Variants in FOXN2 observed in about 807,000 individuals in gnomAD.
The protein encoded by FOXN2 is forkhead box protein N2.
A neutral mutation model predicts 41.2 loss-of-function variants in FOXN2; 19 were observed. The observed-to-expected ratio is 0.46, with a 90% CI of 0.32 to 0.68. FOXN2 has a LOEUF of 0.68. Among genes scored for constraint, FOXN2 ranks in the 30% least tolerant of loss-of-function variants. The probability of loss-of-function intolerance (pLI) is 0.03; values close to 1 mark genes in which losing one functional copy is unlikely to be tolerated. For synonymous variants in FOXN2, 195 were observed against 176.8 expected (o/e 1.10, Z -0.82); for missense variants, 587 against 509.4 (o/e 1.15, Z -1.47).
intron 2 of FOXN2, among the ~76,000 whole-genome samples, chr2:48,343,738 G>A (rs1670915912): frequency 6.6e-6 from 1 of 151,224 alleles, no homozygotes. Flanking sequence ...CAGCCTGGGT[G>A]ACGGAGTGAG....
At chr2:48,356,304 G>A (rs976661336) in intron 3 of FOXN2, among the ~76,000 whole-genome samples, 2 of 152,042 alleles carry the variant, frequency 1.3e-5, no homozygotes, top group East Asian at 1.9e-4. Flanking sequence ...AGCCGGGCAT[G>A]GTGGTGCACA....
At chr2:48,321,816 T>C (rs1459231338) in intron 1 of FOXN2, among the ~76,000 whole-genome samples, 1 of 152,222 alleles carries the variant, frequency 6.6e-6, no homozygotes, top group Non-Finnish European at 1.5e-5. Context: ...TAGTTAAATA[T>C]GTATGTATAT....
intron 1 of FOXN2, among the ~76,000 whole-genome samples, chr2:48,317,566 G>A (rs1669002722): frequency 7.7e-6 from 1 of 129,972 alleles, no homozygotes; most frequent in African/African-American, 2.8e-5. Context: ...TACTACAGAT[G>A]TGTACAATGC....
chr2:48,323,381 A>G (rs770898864), intron 1 of FOXN2, among the ~76,000 whole-genome samples: 43 of 152,138 alleles, frequency 2.8e-4, no homozygotes, highest in Non-Finnish European at 3.2e-4. Flanking sequence ...CCCTTTCTCC[A>G]CATCCTTGCC....
intron 5 of FOXN2, among the ~76,000 whole-genome samples, chr2:48,371,592 G>A (rs1230891829): frequency 2.0e-5 from 3 of 151,778 alleles, no homozygotes; most frequent in Non-Finnish European, 4.4e-5. Context: ...GCCTATTTGG[G>A]GTCTTTTGTA....
rs566842600 is a variant in FOXN2 at position 48,373,988 on chromosome 2, G to A, written c.772+628G>A. Among the ~76,000 whole-genome samples, 121 of 151,860 alleles carry A rather than the reference G, an allele frequency of 8.0e-4. 1 individual carries two copies. Among genetic ancestry groups the A allele is most frequent in the Admixed American group, 1.1e-3 (17 of 15,276 alleles). ...GAGAATTGCTTGAACCTGGGAGGTG[G>A]GGGTTGCAGTGAGCCATGAGCACTG... On this transcript the variant is annotated intron_variant, in intron 6 of 6. Coordinates refer to ENST00000340553, the MANE Select transcript of FOXN2 (RefSeq NM_002158.4).
At chr2:48,374,162 T>C (rs541705519) in intron 6 of FOXN2, among the ~76,000 whole-genome samples, 9 of 152,084 alleles carry the variant, frequency 5.9e-5, no homozygotes, top group African/African-American at 2.2e-4. Context: ...AACAAAGGAT[T>C]AGTATCAAGT....
rs1296130061 is a variant in FOXN2 at position 48,375,769 on chromosome 2, T to C, written c.*326T>C. The stretch of plus-strand genomic sequence containing the variant: ...CCTTTCTTCTGTTAATATGTCAGAA[T>C]GTAAGATTTGGCAACTCGATAAATT... On this transcript the variant is annotated 3_prime_UTR_variant, in exon 7 of 7. Transcript: ENST00000340553. 2 of 193,148 alleles carry C rather than the reference T, an allele frequency of 1.0e-5. No individual in the cohort carries two copies. Among genetic ancestry groups the C allele is most frequent in the East Asian group, 2.6e-4 (2 of 7,810 alleles). The allele number at this position is 193,148 out of a possible 1,614,324, so 12.0% of individuals were successfully genotyped here.
rs545317964 is a variant in FOXN2 at position 48,358,533 on chromosome 2, A to T, written c.538-514A>T. Among the ~76,000 whole-genome samples, 4 of 152,338 alleles carry T rather than the reference A, an allele frequency of 2.6e-5. No individual in the cohort carries two copies. The South Asian group carries it at 8.3e-4, about 32-fold the overall frequency. Reference sequence around the variant, plus strand: ...TTCATTTTGCCATTCTGCTATAAAAATTATGAAATGATATTCAGAGATAAA... The same window carrying T: ...TTCATTTTGCCATTCTGCTATAAAATTTATGAAATGATATTCAGAGATAAA... On this transcript the variant is annotated intron_variant, in intron 3 of 6. Coordinates refer to ENST00000340553, the MANE Select transcript of FOXN2 (RefSeq NM_002158.4).
rs1181073999 is a variant in FOXN2 at position 48,376,596 on chromosome 2, C to T, written c.*1153C>T. 1 of 152,402 alleles carries T rather than the reference C, an allele frequency of 6.6e-6. No individual in the cohort carries two copies. Among genetic ancestry groups the T allele is most frequent in the Non-Finnish European group, 1.5e-5 (1 of 67,908 alleles). The allele number at this position is 152,402 out of a possible 1,614,324, so 9.4% of individuals were successfully genotyped here. A position where few individuals can be genotyped will look rare whatever the true frequency, so the allele number is the denominator to read the frequency against. On this transcript the variant is annotated 3_prime_UTR_variant, in exon 7 of 7. Coordinates refer to ENST00000340553, the MANE Select transcript of FOXN2 (RefSeq NM_002158.4). Reference sequence around the variant, plus strand: ...CTTTTTGAGGAGGCAGTGTAACAACCTATAGTGCCATTGATCCATGAGAAA... The same window carrying T: ...CTTTTTGAGGAGGCAGTGTAACAACTTATAGTGCCATTGATCCATGAGAAA...
At chr2:48,329,222 C>CTA (rs1469739999) in intron 2 of FOXN2, among the ~76,000 whole-genome samples, 1 of 152,194 alleles carries the variant, frequency 6.6e-6, no homozygotes, top group East Asian at 1.9e-4. Flanking sequence ...TAGAGGAAGT[C>CTA]TATACACTGT....
intron 2 of FOXN2, among the ~76,000 whole-genome samples, chr2:48,343,062 A>T (rs1217775741): frequency 1.3e-5 from 2 of 152,120 alleles, no homozygotes; most frequent in East Asian, 3.8e-4. Context: ...CGTTAATAAA[A>T]CTCACTATTT....
At chr2:48,346,147 C>G (rs1234303479) in intron 2 of FOXN2, 54 bp from the exon 3 acceptor site, 4 of 1,457,746 alleles carry the variant, frequency 2.7e-6, no homozygotes, top group Non-Finnish European at 1.8e-6. Flanking sequence ...TTTTCTTTTT[C>G]CCAGAGTTTA....
chr2:48,352,136 T>A (rs1671488628), intron 3 of FOXN2, among the ~76,000 whole-genome samples: 1 of 152,170 alleles, frequency 6.6e-6, no homozygotes. Context: ...TTCTCTGTAT[T>A]TGACTTGTGA....
chr2:48,348,669 T>C (rs1338494564), intron 3 of FOXN2, among the ~76,000 whole-genome samples: 1 of 152,230 alleles, frequency 6.6e-6, no homozygotes, highest in Non-Finnish European at 1.5e-5. Flanking sequence ...TAGTTAGTAA[T>C]TGAGAAGAGT....
At chr2:48,366,865 C>T (rs568334716) in intron 5 of FOXN2, among the ~76,000 whole-genome samples, 1 of 151,570 alleles carries the variant, frequency 6.6e-6, no homozygotes, top group African/African-American at 2.4e-5. Context: ...TGCTGAAGAA[C>T]TTTAAATAGT....
At chr2:48,317,515 T>C (rs1241166379) in intron 1 of FOXN2, among the ~76,000 whole-genome samples, 1 of 150,952 alleles carries the variant, frequency 6.6e-6, no homozygotes, top group African/African-American at 2.4e-5. Flanking sequence ...AACTAACATT[T>C]AAGGAGCATT....
upstream of FOXN2, among the ~76,000 whole-genome samples, chr2:48,313,966 T>C (rs1354089094): frequency 6.6e-6 from 1 of 152,256 alleles, no homozygotes; most frequent in Non-Finnish European, 1.5e-5. Flanking sequence ...GGATGTGAAG[T>C]CCTTAGCTTC....
At chr2:48,332,281 C>T (rs1326024693) in intron 2 of FOXN2, among the ~76,000 whole-genome samples, 1 of 152,008 alleles carries the variant, frequency 6.6e-6, no homozygotes, top group Non-Finnish European at 1.5e-5. Flanking sequence ...TGGCATCAGA[C>T]AAAGCTGTTA....
Sources: allele counts gnomAD v4.1 joint callset (sites outside exome capture counted in the v4.1 genomes callset), GRCh38; gene constraint gnomAD v4.1.1; transcripts MANE v1.5; gene names NCBI Gene and HGNC (gene_info 2026-07-23, HGNC 2026-07-21).